Variants in PICALM observed in about 807,000 individuals in gnomAD.
PICALM encodes the protein phosphatidylinositol binding clathrin assembly protein.
Under a neutral mutation model 80.5 loss-of-function variants are expected in PICALM, and 40 were observed. The ratio of observed to expected loss-of-function variants is 0.50; its 90% CI spans 0.39 to 0.65. PICALM has a LOEUF of 0.65. Ranked by LOEUF, PICALM falls within the 30% of genes least tolerant of loss-of-function variation. The pLI, the probability that PICALM is intolerant of heterozygous loss-of-function variation, is 0.00. For missense variants in PICALM, 676 were observed against 778.9 expected, an observed-to-expected ratio of 0.87 and a Z score of 1.57; for synonymous variants, 288 against 260.3, an observed-to-expected ratio of 1.11 and a Z score of -1.02.
At chr11:85,988,044 G>T (rs2094632077) in intron 13 of PICALM, among the ~76,000 whole-genome samples, 1 of 152,130 alleles carries the variant, frequency 6.6e-6, no homozygotes, top group Non-Finnish European at 1.5e-5. Context: ...TCCAATTCTT[G>T]TAATCAAGAG....
chr11:85,963,930 T>TTTTTG (rs1240038899), intron 19 of PICALM, among the ~76,000 whole-genome samples: 1 of 148,532 alleles, frequency 6.7e-6, no homozygotes, highest in Non-Finnish European at 1.5e-5. Flanking sequence ...CTTTTTTTTT[T>TTTTTG]TTTTTTTTTT....
intron 19 of PICALM, chr11:85,960,755 G>C: frequency 7.6e-7 from 1 of 1,311,320 alleles, no homozygotes; most frequent in South Asian, 1.3e-5. Context: ...ACTGTGACTG[G>C]AGGGGCTGGA....
At chr11:86,032,002 T>C (rs1312395979) in intron 1 of PICALM, among the ~76,000 whole-genome samples, 1 of 152,192 alleles carries the variant, frequency 6.6e-6, no homozygotes, top group African/African-American at 2.4e-5. Flanking sequence ...CATTTTTCTT[T>C]AAATAAAGCT....
intron 1 of PICALM, among the ~76,000 whole-genome samples, chr11:86,067,093 GAAT>G (rs1251683977): frequency 2.0e-5 from 3 of 152,272 alleles, no homozygotes; most frequent in Non-Finnish European, 1.5e-5. Context: ...CAATCACAAA[GAAT>G]AATAGGCTTC....
At chr11:86,043,929 G>A (rs531160130) in intron 1 of PICALM, among the ~76,000 whole-genome samples, 21 of 152,112 alleles carry the variant, frequency 1.4e-4, no homozygotes, top group Non-Finnish European at 3.1e-4. Context: ...CACAAGTTCC[G>A]TTCCATGTCC....
intron 1 of PICALM, among the ~76,000 whole-genome samples, chr11:86,062,322 G>A (rs1177803646): frequency 6.6e-6 from 1 of 152,146 alleles, no homozygotes; most frequent in African/African-American, 2.4e-5. Flanking sequence ...CTCGAGACCA[G>A]CCTGGCCAAC....
At chr11:86,063,854 C>G (rs944128769) in intron 1 of PICALM, among the ~76,000 whole-genome samples, 1 of 152,008 alleles carries the variant, frequency 6.6e-6, no homozygotes, top group East Asian at 1.9e-4. Context: ...AAATAACTGT[C>G]TTCTTAAAAC....
intron 19 of PICALM, among the ~76,000 whole-genome samples, chr11:85,959,385 TG>T (rs1457357093): frequency 6.6e-6 from 1 of 152,020 alleles, no homozygotes; most frequent in African/African-American, 2.4e-5. Context: ...CCCAGCACTC[TG>T]GGAGGCTGAG....
chr11:86,054,286 G>A (rs1326880455), intron 1 of PICALM, among the ~76,000 whole-genome samples: 1 of 152,156 alleles, frequency 6.6e-6, no homozygotes, highest in African/African-American at 2.4e-5. Context: ...TACAAACTAT[G>A]TGTGAAAAGG....
intron 1 of PICALM, among the ~76,000 whole-genome samples, chr11:86,036,893 C>A (rs570027036): frequency 2.7e-5 from 4 of 146,648 alleles, no homozygotes; most frequent in African/African-American, 7.7e-5. Flanking sequence ...CTTGAGGTCA[C>A]GAGTTTGAGA....
intron 1 of PICALM, among the ~76,000 whole-genome samples, chr11:86,058,857 C>T (rs2096310109): frequency 6.6e-6 from 1 of 152,132 alleles, no homozygotes. Context: ...CTGATAAACT[C>T]CTCAGATCTA....
intron 1 of PICALM, among the ~76,000 whole-genome samples, chr11:86,065,541 T>C (rs2096435763): frequency 6.6e-6 from 1 of 152,208 alleles, no homozygotes; most frequent in Non-Finnish European, 1.5e-5. Flanking sequence ...TCTATGTATA[T>C]GAATTGCCCC....
chr11:86,000,589 A>G lies in PICALM; in HGVS notation c.1154+54T>C, dbSNP rs184282942. ...ACCTGAAAAGTTCTGCAAAATTTCT[A>G]TTAGAAGTCTTTGAACCTACATATT... On this transcript the variant is annotated intron_variant, in intron 11 of 19. Transcript: ENST00000393346. 3.5e-5 allele frequency: 51 copies of G among 1,477,218 alleles called. No individual in the cohort carries two copies. In the African/African-American group the frequency reaches 6.6e-4, roughly 19 times the overall value. 91.5% of individuals were successfully genotyped at this position (1,477,218 alleles called of 1,614,324 possible). A position where few individuals can be genotyped will look rare whatever the true frequency, so the allele number is the denominator to read the frequency against.
At chr11:86,015,844 T>C (rs765153740) in intron 4 of PICALM, among the ~76,000 whole-genome samples, 1 of 152,206 alleles carries the variant, frequency 6.6e-6, no homozygotes, top group East Asian at 1.9e-4. Flanking sequence ...TACTTATAAA[T>C]GGCTGTTCTA....
At chr11:85,967,582 T>TAG (rs1214370099) in intron 19 of PICALM, among the ~76,000 whole-genome samples, 2 of 152,210 alleles carry the variant, frequency 1.3e-5, no homozygotes, top group Non-Finnish European at 2.9e-5. Context: ...TATTCTGCAG[T>TAG]AGGCAAGGAT....
At chr11:86,019,100 AT>A (rs1405950065) in intron 4 of PICALM, among the ~76,000 whole-genome samples, 1 of 152,078 alleles carries the variant, frequency 6.6e-6, no homozygotes, top group Non-Finnish European at 1.5e-5. Context: ...TTAGGATGGT[AT>A]TTTTCTTAAA....
intron 17 of PICALM, among the ~76,000 whole-genome samples, chr11:85,979,958 A>G (rs1217241693): frequency 6.6e-6 from 1 of 152,204 alleles, no homozygotes; most frequent in Non-Finnish European, 1.5e-5. Flanking sequence ...GGTCTACCAT[A>G]CCTTACAGTA....
At chr11:86,008,742 GGC>G (rs1038837247) in intron 7 of PICALM, among the ~76,000 whole-genome samples, 3 of 152,014 alleles carry the variant, frequency 2.0e-5, no homozygotes, top group Admixed American at 2.0e-4. Context: ...CAGGAACTAA[GGC>G]GTTCTAATTA....
intron 3 of PICALM, among the ~76,000 whole-genome samples, chr11:86,025,274 C>T (rs564050605): frequency 5.3e-5 from 8 of 152,108 alleles, no homozygotes; most frequent in African/African-American, 1.7e-4. Flanking sequence ...GTGACATGCG[C>T]GGGTAGTCCC....
Sources: allele counts gnomAD v4.1 joint callset (sites outside exome capture counted in the v4.1 genomes callset), GRCh38; gene constraint gnomAD v4.1.1; transcripts MANE v1.5; gene names NCBI Gene and HGNC (gene_info 2026-07-23, HGNC 2026-07-21).